LYPD5: variants seen among roughly 807,000 people sequenced by gnomAD.
LYPD5 encodes the protein LY6/PLAUR domain containing 5.
In LYPD5, 21 loss-of-function variants were observed where a neutral mutation model predicts 19.1. The ratio of observed to expected loss-of-function variants is 1.10; its 90% CI spans 0.78 to 1.58. LYPD5 has a LOEUF of 1.58. Among genes scored for constraint, LYPD5 ranks in the 40% most tolerant of loss-of-function variants. LYPD5 has a pLI of 0.00. For missense variants in LYPD5, 287 were observed against 329.8 expected, an observed-to-expected ratio of 0.87 and a Z score of 1.00; for synonymous variants, 128 against 142.7, an observed-to-expected ratio of 0.90 and a Z score of 0.74.
In LYPD5 at chr19:43,797,409, G is replaced by A; in HGVS notation, c.*182C>T. ...CCTCCCCGGGGATGCTGGTGACTGTGTCCAGTTTCTTCCAGTACTGTTGGC... is the reference window on the plus strand; with the variant it reads ...CCTCCCCGGGGATGCTGGTGACTGTATCCAGTTTCTTCCAGTACTGTTGGC... On this transcript the variant is annotated 3_prime_UTR_variant, in exon 5 of 5. Transcript: ENST00000377950. 1.7e-6 allele frequency: 1 copy of A among 596,408 alleles called. No individual in the cohort carries two copies. The highest frequency in any genetic ancestry group is 2.9e-6 in the Non-Finnish European group (1 of 340,330). The allele number at this position is 596,408 out of a possible 1,614,324, so 36.9% of individuals were successfully genotyped here.
intron 1 of LYPD5, among the ~76,000 whole-genome samples, chr19:43,817,135 G>A (rs1970381383): frequency 6.6e-6 from 1 of 152,168 alleles, no homozygotes; most frequent in Non-Finnish European, 1.5e-5. Flanking sequence ...GGGGCTTTCT[G>A]AGCATTTCTT....
At chr19:43,811,348 T>C (rs1167083995) in intron 1 of LYPD5, among the ~76,000 whole-genome samples, 1 of 152,220 alleles carries the variant, frequency 6.6e-6, no homozygotes, top group African/African-American at 2.4e-5. Context: ...GTGATTTTTC[T>C]AAATTTTATT....
chr19:43,803,121 G>A (rs73938011), upstream of LYPD5, among the ~76,000 whole-genome samples: 1,725 of 152,264 alleles, frequency 0.011, 38 homozygotes, highest in African/African-American at 0.04. Context: ...GATGCAGAAA[G>A]ACAGACACAG....
chr19:43,802,890 C>G (rs548135939), upstream of LYPD5, among the ~76,000 whole-genome samples: 14 of 152,304 alleles, frequency 9.2e-5, no homozygotes, highest in South Asian at 2.9e-3. Flanking sequence ...CCTGATCAAA[C>G]TAGGCTGGGC....
At chr19:43,816,668 T>C (rs997984465) in intron 1 of LYPD5, among the ~76,000 whole-genome samples, 10 of 152,260 alleles carry the variant, frequency 6.6e-5, no homozygotes, top group African/African-American at 2.4e-5. Context: ...AAGTAGTCAC[T>C]ATGAATTAGC....
rs796724497 is a variant in LYPD5, at chr19:43,796,709, C to A, written c.*882G>T. The A allele has an allele frequency of 5.3e-5, 8 of 152,292 alleles. No individual in the cohort carries two copies. The highest frequency in any genetic ancestry group is 1.9e-4 in the African/African-American group (8 of 41,548). 9.4% of individuals were successfully genotyped at this position (152,292 alleles called of 1,614,324 possible). ...TCCCTGAATCCATACTCACTAGATA[C>A]ACAAGCTCAACCAAGTGCTTTTGCC... On this transcript the variant is annotated 3_prime_UTR_variant, in exon 5 of 5. Coordinates refer to ENST00000377950, the MANE Select transcript of LYPD5 (RefSeq NM_001031749.3).
chr19:43,818,411 G>C (rs982551739), intron 1 of LYPD5, among the ~76,000 whole-genome samples: 7 of 152,222 alleles, frequency 4.6e-5, no homozygotes, highest in African/African-American at 1.2e-4. Context: ...TTGCTATCAA[G>C]TGTAATTGAT....
At chr19:43,808,393 A>C (rs1404197270) in intron 1 of LYPD5, among the ~76,000 whole-genome samples, 3 of 152,260 alleles carry the variant, frequency 2.0e-5, no homozygotes, top group Admixed American at 6.5e-5. Context: ...GGCGTGAGCC[A>C]CTGCACCCAG....
intron 1 of LYPD5, among the ~76,000 whole-genome samples, chr19:43,809,956 C>T (rs1970305844): frequency 6.6e-6 from 1 of 152,192 alleles, no homozygotes; most frequent in Non-Finnish European, 1.5e-5. Context: ...ATGGTAGCTA[C>T]CAACCCTCTT....
Position 43,799,685 on chromosome 19 carries a change from C to A in LYPD5, c.193+21G>T, listed in dbSNP as rs184820958. On this transcript the variant is annotated intron_variant, in intron 2 of 4. Transcript: ENST00000377950. ...TTCCTCCCTAATCTCTCATCCCTGT[C>A]CCCCGGCTCCCGCTCCTTACCGGTG... 8.4e-4 allele frequency: 1,347 copies of A among 1,606,040 alleles called. 11 individuals carry two copies. In the African/African-American group the frequency reaches 0.014, roughly 16 times the overall value.
upstream of LYPD5, among the ~76,000 whole-genome samples, chr19:43,804,676 G>T (rs979269910): frequency 3.0e-4 from 46 of 152,044 alleles, no homozygotes; most frequent in African/African-American, 1.1e-3. Context: ...TCACTTCCCA[G>T]AACCTGTTTT....
intron 1 of LYPD5, among the ~76,000 whole-genome samples, chr19:43,814,213 C>A (rs1970351510): frequency 6.6e-6 from 1 of 152,126 alleles, no homozygotes; most frequent in African/African-American, 2.4e-5. Context: ...AGTGAAGGGG[C>A]CAGGTGTGGT....
rs749168283 is a variant in LYPD5 at position 43,798,608 on chromosome 19, A to G, written c.371-7T>C. 98 of 1,609,622 alleles carry G rather than the reference A, an allele frequency of 6.1e-5. No homozygotes were observed. Among genetic ancestry groups the G allele is most frequent in the Non-Finnish European group, 8.1e-5 (95 of 1,180,004 alleles). On this transcript the variant is annotated splice_polypyrimidine_tract_variant and splice_region_variant and intron_variant, in intron 3 of 4. Coordinates refer to ENST00000377950, the MANE Select transcript of LYPD5 (RefSeq NM_001031749.3). ...AGCGTCGGCGGGTCGGGTGCTGGCA[A>G]GAGAGCGTAGATGCACACTCAGGCA...
Position 43,798,971 on chromosome 19 carries a change from T to C in LYPD5, c.211A>G (p.Thr71Ala). ...SLDTGYRAPV[T>A]LVRKGCWTGP... ...GTCCAGCAGCCCTTCCGCACCAGGG[T>C]CACCGGCGCGCGATACCCTGGGGGC... Residue 71 changes from threonine (T) to alanine (A), a missense_variant, in exon 3 of 5, where the codon ACC (threonine) becomes GCC (alanine). Coordinates refer to ENST00000377950, the MANE Select transcript of LYPD5 (RefSeq NM_001031749.3). The C allele has an allele frequency of 6.3e-7, 1 of 1,576,914 alleles. No individual in the cohort carries two copies. The highest frequency in any genetic ancestry group is 8.6e-7 in the Non-Finnish European group (1 of 1,161,810).
In LYPD5 at chr19:43,813,693, G is replaced by GTATT. The variant is rs1169590100; in HGVS notation, c.-66+6843_-66+6846dup. ...TTGTTGTATTTATTTGTGTATTTATGTATTTATTTATTGAGACGCTGTTTC... is the reference window on the plus strand; with the variant it reads ...TTGTTGTATTTATTTGTGTATTTATGTATTTATTTATTTATTGAGACGCTGTTTC... On this transcript the variant is annotated intron_variant, in intron 1 of 4. Transcript: ENST00000414615. Among the ~76,000 whole-genome samples, 25 of 152,224 alleles carry GTATT rather than the reference G, an allele frequency of 1.6e-4. No homozygotes were observed. The East Asian group carries it at 4.4e-3, about 27-fold the overall frequency.
chr19:43,798,002 C>G lies in LYPD5; in HGVS notation c.518-173G>C, dbSNP rs143377417. On this transcript the variant is annotated intron_variant, in intron 4 of 4. Transcript: ENST00000377950. ...CAGGGCCATGCCTCTTCCCTCAGAA[C>G]AGGGTCGTGCCTCCTCCCTCAGACC... Among the ~76,000 whole-genome samples the G allele has an allele frequency of 3.4e-3, 521 of 151,860 alleles. 4 individuals are homozygous for G. The highest frequency in any genetic ancestry group is 0.012 in the African/African-American group (493 of 41,380).
At chr19:43,802,749 A>G (rs1970239271), upstream of LYPD5, among the ~76,000 whole-genome samples, 1 of 151,760 alleles carries the variant, frequency 6.6e-6, no homozygotes, top group South Asian at 2.1e-4. Context: ...CACCACCCAC[A>G]CAGCTTCCAA....
chr19:43,798,367 C>T, intron 4 of LYPD5, 88 bp downstream of exon 4: 1 of 1,482,244 alleles, frequency 6.7e-7, no homozygotes, highest in Non-Finnish European at 9.2e-7. Flanking sequence ...CCATGTCTCC[C>T]TGTTGGGCCT....
intron 3 of LYPD5, 98 bp from the exon 4 acceptor site, chr19:43,798,699 G>A: frequency 6.3e-7 from 1 of 1,582,328 alleles, no homozygotes; most frequent in Non-Finnish European, 8.6e-7. Flanking sequence ...CACGTCTCGG[G>A]GGTTGGGATC....
Sources: gnomAD v4.1 joint callset for allele counts (sites outside exome capture counted in the v4.1 genomes callset) on GRCh38, gnomAD v4.1.1 for gene constraint, MANE v1.5 for transcripts, NCBI Gene and HGNC (gene_info 2026-07-23, HGNC 2026-07-21) for gene names.